VGLL4: variants seen among roughly 807,000 people sequenced by gnomAD.
VGLL4 encodes vestigial like family member 4.
A neutral mutation model predicts 21.0 loss-of-function variants in VGLL4; 7 were observed. The ratio of observed to expected loss-of-function variants is 0.33; its 90% confidence interval spans 0.19 to 0.63. The LOEUF (loss-of-function observed/expected upper bound fraction) is 0.63, where lower values mean the gene tolerates loss of function less well. Ranked by LOEUF, VGLL4 falls within the 20% of genes least tolerant of loss-of-function variation. The probability of loss-of-function intolerance (pLI) is 0.78; values close to 1 mark genes in which losing one functional copy is unlikely to be tolerated. For missense variants in VGLL4, 394 were observed against 425.7 expected (o/e 0.93, Z 0.66); for synonymous variants, 222 against 173.2 (o/e 1.28, Z -2.21).
intron 1 of VGLL4, among the ~76,000 whole-genome samples, chr3:11,605,628 T>C (rs2074922781): frequency 6.6e-6 from 1 of 152,122 alleles, no homozygotes; most frequent in Non-Finnish European, 1.5e-5. Flanking sequence ...GGTCATCTCC[T>C]CTTCCTCTGA....
At chr3:11,643,341 G>A (rs949118495) in intron 1 of VGLL4, 96 bp downstream of exon 1, 2 of 1,594,348 alleles carry the variant, frequency 1.3e-6, no homozygotes, top group South Asian at 1.1e-5. Flanking sequence ...ACACCCCGGA[G>A]GAGGACAGCG....
At chr3:11,660,762 T>C (rs932550435) in intron 2 of VGLL4, among the ~76,000 whole-genome samples, 9 of 152,186 alleles carry the variant, frequency 5.9e-5, no homozygotes, top group Non-Finnish European at 1.2e-4. Flanking sequence ...TCAACATATA[T>C]ACTTCTCATG....
chr3:11,614,485 T>TGTG (rs2075123600), intron 1 of VGLL4, among the ~76,000 whole-genome samples: 1 of 152,226 alleles, frequency 6.6e-6, no homozygotes, highest in East Asian at 1.9e-4. Context: ...GAAGGAAGGC[T>TGTG]GTGTATAGGC....
At chr3:11,558,873 G>A in intron 4 of VGLL4, 46 bp from the exon 5 acceptor site, 1 of 1,596,100 alleles carries the variant, frequency 6.3e-7, no homozygotes, top group Non-Finnish European at 8.6e-7. Flanking sequence ...GGTGGCTGCA[G>A]ACAGACAGGC....
At chr3:11,561,891 C>CTT (rs35380668) in intron 3 of VGLL4, among the ~76,000 whole-genome samples, 14,297 of 88,594 alleles carry the variant, frequency 0.16, 1,359 homozygotes, top group Non-Finnish European at 0.18. Flanking sequence ...CTGCGCCAAA[C>CTT]TTTTTTTTTT....
At position 11,558,474 on chromosome 3, in the gene VGLL4, GAT is replaced by G; in HGVS notation, c.*80_*81del. ...TCCCTTCCCCCCACCCCACCCCCAT[GAT>G]TTTTTTTTTTTTAAGTACTGACTGT... is the stretch of plus-strand genomic sequence containing the variant. On this transcript the variant is annotated 3_prime_UTR_variant, in exon 5 of 5. Coordinates refer to ENST00000430365, the MANE Select transcript of VGLL4 (RefSeq NM_001128219.3). The G allele has an allele frequency of 8.1e-7, 1 of 1,238,908 alleles. No individual in the cohort carries two copies. 76.7% of individuals were successfully genotyped at this position (1,238,908 alleles called of 1,614,324 possible).
chr3:11,670,147 G>A (rs1287960530), intron 2 of VGLL4, among the ~76,000 whole-genome samples: 2 of 150,834 alleles, frequency 1.3e-5, no homozygotes, highest in Admixed American at 1.3e-4. Context: ...ATATTCAGAT[G>A]CGGATGGGCT....
chr3:11,714,418 C>G (rs943840606), intron 1 of VGLL4, among the ~76,000 whole-genome samples: 1 of 152,076 alleles, frequency 6.6e-6, no homozygotes, highest in African/African-American at 2.4e-5. Flanking sequence ...AGGCCAGGCA[C>G]GGTGGCTCAC....
Position 11,558,558 on chromosome 3 carries a change from A to C in VGLL4, c.889T>G (p.Ter297GlyextTer18). ...SHSHSPSVVS[*>G] Reference sequence around the variant, plus strand: ...TGTTGTTGGAGGAGGCGCTCCCTTCAGGAGACCACAGAGGGGGAGTGACTG... The same window carrying C: ...TGTTGTTGGAGGAGGCGCTCCCTTCCGGAGACCACAGAGGGGGAGTGACTG... The change falls in exon 5 of 5, where the codon TGA (stop) becomes GGA (glycine). Residue 297 changes from the stop codon to glycine (G), a stop_lost. Coordinates refer to ENST00000430365, the MANE Select transcript of VGLL4 (RefSeq NM_001128219.3). 6.3e-7 allele frequency: 1 copy of C among 1,596,746 alleles called. No homozygotes were observed. Among genetic ancestry groups the C allele is most frequent in the Non-Finnish European group, 8.5e-7 (1 of 1,179,234 alleles).
At chr3:11,579,338 C>G (rs961973609) in intron 2 of VGLL4, among the ~76,000 whole-genome samples, 1 of 152,066 alleles carries the variant, frequency 6.6e-6, no homozygotes, top group Admixed American at 6.5e-5. Flanking sequence ...CAATGGACAC[C>G]CTAATGACAA....
chr3:11,676,399 AAAAAAAAAAAATAAAATAAT>A (rs1379519732), intron 2 of VGLL4, among the ~76,000 whole-genome samples: 5 of 85,484 alleles, frequency 5.8e-5, no homozygotes, highest in Non-Finnish European at 8.5e-5. Flanking sequence ...TGTCTCAAAA[AAAAAAAAAAAATAAAATAAT>A]AATAATAATA....
At chr3:11,629,475 G>A (rs931051295) in intron 1 of VGLL4, among the ~76,000 whole-genome samples, 2 of 152,082 alleles carry the variant, frequency 1.3e-5, no homozygotes, top group Admixed American at 1.3e-4. Flanking sequence ...ACATAGCTGG[G>A]GCTGGAACTG....
intron 3 of VGLL4, 145 bp from the exon 4 acceptor site, chr3:11,559,600 G>A: frequency 7.8e-7 from 1 of 1,274,832 alleles, no homozygotes; most frequent in Non-Finnish European, 1.0e-6. Context: ...CTGGAGTCCT[G>A]TTGCTAAACA....
At chr3:11,710,542 A>ACAGTAACAGGGCCAAAAGT (rs2076828651) in intron 1 of VGLL4, 1 of 152,208 alleles carries the variant, frequency 6.6e-6, no homozygotes, top group Non-Finnish European at 1.5e-5. Context: ...CCTGCCACAC[A>ACAGTAACAGGGCCAAAAGT]CAGTAACAGG....
At chr3:11,684,730 C>CTGTGTGTGTGTGTGTGTGTGTG (rs61220485) in intron 2 of VGLL4, among the ~76,000 whole-genome samples, 14 of 148,784 alleles carry the variant, frequency 9.4e-5, no homozygotes, top group Admixed American at 4.0e-4. Context: ...CAACCTTTTT[C>CTGTGTGTGTGTGTGTGTGTGTG]TGTGTGTGTG....
chr3:11,559,622 CAG>C (rs1020007002), intron 3 of VGLL4, among the ~76,000 whole-genome samples, 167 bp from the exon 4 acceptor site: 2 of 152,194 alleles, frequency 1.3e-5, no homozygotes, highest in African/African-American at 2.4e-5. Flanking sequence ...AGCCAATCCA[CAG>C]AGTGAGCGCA....
At chr3:11,633,460 G>A (rs1312334583) in intron 1 of VGLL4, 3 of 152,540 alleles carry the variant, frequency 2.0e-5, no homozygotes, top group African/African-American at 7.2e-5. Flanking sequence ...ACGAGGTCAA[G>A]AGATCAAGAC....
rs748892952 is a variant in VGLL4 at position 11,565,386 on chromosome 3, G to A, written c.273-367C>T. On this transcript the variant is annotated intron_variant, in intron 2 of 4. Coordinates refer to ENST00000430365, the MANE Select transcript of VGLL4 (RefSeq NM_001128219.3). This position sits in a 1 kb window ranked among gnomAD's most constrained non-coding sequence, Gnocchi z 4.1. ...CCTGCCATTTGGACAGGACGGGGAC[G>A]CTGACAACGATCCAGAGTCACTGGC... 3.3e-5 allele frequency among the ~76,000 whole-genome samples: 5 copies of A among 152,102 alleles called. No homozygotes were observed. The highest frequency in any genetic ancestry group is 9.7e-5 in the African/African-American group (4 of 41,432).
chr3:11,702,829 G>T, intron 2 of VGLL4: 1 of 531,264 alleles, frequency 1.9e-6, no homozygotes, highest in Non-Finnish European at 3.1e-6. Context: ...AGGATGTGAA[G>T]CTGTTATCTC....
Sources: gnomAD v4.1 joint callset for allele counts (sites outside exome capture counted in the v4.1 genomes callset) on GRCh38, gnomAD v4.1.1 for gene constraint, Gnocchi (gnomAD v3.1) non-coding constraint, MANE v1.5 for transcripts, NCBI Gene and HGNC (gene_info 2026-07-23, HGNC 2026-07-21) for gene names.